The following ULK4 variants were observed in gnomAD, a reference collection of about 807,000 sequenced individuals.
ULK4 encodes the protein inactive serine/threonine-protein kinase ULK4.
ULK4 carries 133 observed loss-of-function variants against 160.6 expected under a neutral mutation model. That is an observed-to-expected ratio of 0.83 (90% CI 0.72 to 0.96). The LOEUF (loss-of-function observed/expected upper bound fraction) is 0.96. ULK4 is among the 40% of genes least tolerant of loss of function. The pLI is 0.00. For synonymous variants in ULK4, 534 were observed against 539.8 expected (o/e 0.99, Z 0.15); for missense variants, 1,580 against 1,499.5 (o/e 1.05, Z -0.89).
intron 35 of ULK4, among the ~76,000 whole-genome samples, chr3:41,364,379 C>G (rs2081209742): frequency 6.6e-6 from 1 of 152,234 alleles, no homozygotes; most frequent in Admixed American, 6.5e-5. Flanking sequence ...CACCTGCCCT[C>G]CACCAGGCCC....
chr3:41,483,605 A>G (rs2125899165), intron 32 of ULK4, among the ~76,000 whole-genome samples: 1 of 152,304 alleles, frequency 6.6e-6, no homozygotes, highest in Non-Finnish European at 1.5e-5. Flanking sequence ...AGAAGACTCA[A>G]TCCTCATTTA....
At chr3:41,669,362 C>G (rs763450050) in intron 29 of ULK4, among the ~76,000 whole-genome samples, 2 of 152,146 alleles carry the variant, frequency 1.3e-5, no homozygotes, top group Non-Finnish European at 2.9e-5. Flanking sequence ...CCCCCAACCT[C>G]AGCCCAGGTC....
intron 34 of ULK4, among the ~76,000 whole-genome samples, chr3:41,441,030 T>G (rs1038931988): frequency 6.6e-6 from 1 of 152,060 alleles, no homozygotes; most frequent in African/African-American, 2.4e-5. Flanking sequence ...AGTAGTGTCT[T>G]TTTTCCCTGA....
intron 17 of ULK4, among the ~76,000 whole-genome samples, chr3:41,842,377 T>C (rs1443444161): frequency 2.0e-5 from 3 of 152,192 alleles, no homozygotes; most frequent in Non-Finnish European, 4.4e-5. Context: ...GCTACAGTAA[T>C]GAAAACTGTT....
At chr3:41,363,338 A>G (rs144945537) in intron 35 of ULK4, among the ~76,000 whole-genome samples, 4 of 152,340 alleles carry the variant, frequency 2.6e-5, no homozygotes, top group Non-Finnish European at 4.4e-5. Flanking sequence ...AGTCATGAGC[A>G]GCTCTGTTGA....
At chr3:41,318,628 C>CA (rs1162721225) in intron 35 of ULK4, among the ~76,000 whole-genome samples, 5 of 152,096 alleles carry the variant, frequency 3.3e-5, no homozygotes, top group Non-Finnish European at 7.3e-5. Flanking sequence ...AGTGCTAGTA[C>CA]AAAGAAAGGT....
chr3:41,923,017 C>CA (rs1288068628), intron 5 of ULK4, among the ~76,000 whole-genome samples: 3 of 150,934 alleles, frequency 2.0e-5, no homozygotes, highest in East Asian at 3.9e-4. Flanking sequence ...ATTAAAAATA[C>CA]AAAAAAATTA....
intron 35 of ULK4, among the ~76,000 whole-genome samples, chr3:41,370,052 G>C (rs1411677350): frequency 1.3e-5 from 2 of 152,060 alleles, no homozygotes; most frequent in Non-Finnish European, 2.9e-5. Context: ...AGGTTGCTAA[G>C]CAACGTCACA....
chr3:41,370,646 C>T lies in ULK4; in HGVS notation c.3678+27433G>A, dbSNP rs560871313. Among the ~76,000 whole-genome samples the T allele has an allele frequency of 3.9e-5, 6 of 152,338 alleles. No individual in the cohort carries two copies. The East Asian group carries it at 1.2e-3, about 29-fold the overall frequency. ...TTCGGCCCAGATACTATGCTTTCCC[C>T]ATGGTCTTTGCAACTTGCAGACCAG... On this transcript the variant is annotated intron_variant, in intron 35 of 36. Coordinates refer to ENST00000301831, the MANE Select transcript of ULK4 (RefSeq NM_017886.4).
chr3:41,642,340 TC>T (rs1217195081), intron 30 of ULK4, among the ~76,000 whole-genome samples: 3 of 151,594 alleles, frequency 2.0e-5, no homozygotes, highest in Non-Finnish European at 4.4e-5. Flanking sequence ...CCCTCCCTAC[TC>T]CCCCCACCCC....
chr3:41,278,351 A>AC lies in ULK4; in HGVS notation c.3679-28778dup, dbSNP rs947165847. Among the ~76,000 whole-genome samples, 10 of 152,150 alleles carry AC rather than the reference A, an allele frequency of 6.6e-5. No individual in the cohort carries two copies. The Middle Eastern group carries it at 0.01, about 155-fold the overall frequency. The stretch of plus-strand genomic sequence containing the variant: ...AAGACCTACTGCCTCTATAGATTCC[A>AC]CCCCTGTGGGCAGGGCATAGCTGAA... On this transcript the variant is annotated intron_variant, in intron 35 of 36. Coordinates refer to ENST00000301831, the MANE Select transcript of ULK4 (RefSeq NM_017886.4).
chr3:41,911,193 G>T, intron 11 of ULK4, 124 bp downstream of exon 11: 1 of 872,684 alleles, frequency 1.1e-6, no homozygotes, highest in Non-Finnish European at 1.8e-6. Context: ...GAGTGAAACT[G>T]GCATTTGGCA....
chr3:41,552,708 A>T (rs991165432), intron 32 of ULK4, among the ~76,000 whole-genome samples: 9 of 150,158 alleles, frequency 6.0e-5, no homozygotes, highest in African/African-American at 2.2e-4. Flanking sequence ...CTATCAAAGT[A>T]CTGATGCTAT....
chr3:41,300,908 A>G (rs1007178218), intron 35 of ULK4, among the ~76,000 whole-genome samples: 8 of 127,652 alleles, frequency 6.3e-5, no homozygotes, highest in Non-Finnish European at 1.1e-4. Flanking sequence ...CTGGTCTAGA[A>G]TGGCCAAGAC....
chr3:41,630,583 G>T (rs2033700951), intron 30 of ULK4, among the ~76,000 whole-genome samples: 1 of 152,098 alleles, frequency 6.6e-6, no homozygotes, highest in East Asian at 1.9e-4. Context: ...ATATTTTAAG[G>T]TCAATTAATT....
At chr3:41,813,865 T>C (rs2040884215) in intron 19 of ULK4, among the ~76,000 whole-genome samples, 1 of 152,218 alleles carries the variant, frequency 6.6e-6, no homozygotes, top group South Asian at 2.1e-4. Flanking sequence ...TCACTATGAA[T>C]CTAATACTTC....
intron 35 of ULK4, among the ~76,000 whole-genome samples, chr3:41,258,005 G>A (rs186053370): frequency 7.7e-4 from 117 of 152,258 alleles, no homozygotes; most frequent in African/African-American, 2.8e-3. Flanking sequence ...GGTAATGCCC[G>A]TGATAAGAGG....
chr3:41,258,399 A>G (rs1329608968), intron 35 of ULK4: 2 of 152,160 alleles, frequency 1.3e-5, no homozygotes, highest in African/African-American at 2.4e-5. Flanking sequence ...CTATTGGTGA[A>G]CTTATCCTGG....
intron 8 of ULK4, among the ~76,000 whole-genome samples, chr3:41,913,434 C>A (rs926529188): frequency 6.6e-6 from 1 of 152,050 alleles, no homozygotes; most frequent in Non-Finnish European, 1.5e-5. Flanking sequence ...ACCGTGTTAT[C>A]CAGGGTGGTC....
Sources: allele counts gnomAD v4.1 joint callset (sites outside exome capture counted in the v4.1 genomes callset), GRCh38; gene constraint gnomAD v4.1.1; transcripts MANE v1.5; gene names NCBI Gene and HGNC (gene_info 2026-07-23, HGNC 2026-07-21).